Variants in LARS1 observed in about 807,000 individuals in gnomAD.
The protein encoded by LARS1 is leucine--tRNA ligase, cytoplasmic.
In LARS1, 100 loss-of-function variants were observed where a neutral mutation model predicts 162.8. That is an observed-to-expected ratio of 0.61 (90% CI 0.52 to 0.73). The LOEUF is 0.73. LARS1 is among the 30% of genes least tolerant of loss of function. LARS1 has a pLI of 0.00. For synonymous variants in LARS1, 457 were observed against 462.8 expected, an observed-to-expected ratio of 0.99 and a Z score of 0.16; for missense variants, 1,258 against 1,408.9, an observed-to-expected ratio of 0.89 and a Z score of 1.71.
At chr5:146,172,910 A>C in intron 2 of LARS1, 136 bp from the exon 3 acceptor site, 1 of 423,250 alleles carries the variant, frequency 2.4e-6, no homozygotes. Context: ...AAGTAAATTT[A>C]TAAATCTACA....
Position 146,153,910 on chromosome 5 carries a change from G to T in LARS1, c.1136C>A (p.Thr379Asn). ...YKVIYVLPMLTIKEDKGTGVV... is the reference protein window; with the variant it reads ...YKVIYVLPMLNIKEDKGTGVV... ...CTCTTTACCTTTATCCTCCTTAATA[G>T]TTAGCATTGGGAGAACATAGATCAC... The change falls in exon 11 of 32, where the codon ACT becomes AAT. Residue 379 changes from threonine to asparagine, a missense_variant. By Grantham distance (65) the Thr-to-Asn change is moderately conservative. Coordinates refer to ENST00000394434, the MANE Select transcript of LARS1 (RefSeq NM_020117.11). 6.2e-7 allele frequency: 1 copy of T among 1,611,406 alleles called. No homozygotes were observed. The highest frequency in any genetic ancestry group is 1.7e-5 in the Admixed American group (1 of 59,962).
intron 1 of LARS1, 177 bp downstream of exon 1, chr5:146,182,311 A>ACAT (rs1418144596): frequency 2.7e-6 from 2 of 739,762 alleles, no homozygotes; most frequent in African/African-American, 3.5e-5. Flanking sequence ...AAGTTAACAG[A>ACAT]CATCAGTTCG....
chr5:146,116,874 C>A (rs1751568897), intron 31 of LARS1, among the ~76,000 whole-genome samples: 1 of 152,202 alleles, frequency 6.6e-6, no homozygotes, highest in African/African-American at 2.4e-5. Flanking sequence ...CTGTCTATTG[C>A]AGCAAACAGA....
intron 21 of LARS1, 57 bp from the exon 22 acceptor site, chr5:146,135,721 G>A: frequency 7.9e-7 from 1 of 1,260,940 alleles, no homozygotes; most frequent in Non-Finnish European, 1.1e-6. Context: ...TAAACCAAAT[G>A]AGCCAAATAA....
chr5:146,160,330 C>T, intron 7 of LARS1, 44 bp downstream of exon 7: 1 of 1,118,866 alleles, frequency 8.9e-7, no homozygotes, highest in Non-Finnish European at 1.3e-6. Context: ...GCCTCTGTGC[C>T]CAACTGATTT....
chr5:146,149,494 C>G, intron 15 of LARS1, 128 bp downstream of exon 15: 1 of 706,868 alleles, frequency 1.4e-6, no homozygotes, highest in South Asian at 1.8e-5. Context: ...GGTCTATTTT[C>G]TGCCGCAAAA....
At chr5:146,181,239 G>A (rs896468823) in intron 1 of LARS1, 13 of 152,288 alleles carry the variant, frequency 8.5e-5, no homozygotes, top group South Asian at 2.1e-4. Flanking sequence ...TGTAGTCCCA[G>A]CTACTCGGGA....
chr5:146,126,333 G>T, intron 28 of LARS1, 102 bp downstream of exon 28: 1 of 642,350 alleles, frequency 1.6e-6, no homozygotes, highest in Non-Finnish European at 2.7e-6. Flanking sequence ...TATTTTAGCA[G>T]ATTTCTGGCA....
intron 19 of LARS1, 151 bp from the exon 20 acceptor site, chr5:146,143,235 A>T (rs1389470103): frequency 2.3e-6 from 2 of 861,520 alleles, no homozygotes; most frequent in African/African-American, 3.4e-5. Flanking sequence ...AAGAATGAAG[A>T]ATAGATGATG....
intron 2 of LARS1, among the ~76,000 whole-genome samples, chr5:146,176,122 A>G (rs1282341719): frequency 6.6e-6 from 1 of 152,192 alleles, no homozygotes. Flanking sequence ...ACTGCACTCC[A>G]GCTTGAATGA....
chr5:146,171,357 C>CAA (rs143170490), intron 4 of LARS1, among the ~76,000 whole-genome samples: 6 of 143,082 alleles, frequency 4.2e-5, no homozygotes, highest in Admixed American at 1.4e-4. Flanking sequence ...AACTCCGTCT[C>CAA]AAAAAAAAAA....
chr5:146,127,379 A>G (rs1357533989), intron 27 of LARS1, among the ~76,000 whole-genome samples: 2 of 152,120 alleles, frequency 1.3e-5, no homozygotes, highest in Non-Finnish European at 2.9e-5. Flanking sequence ...CACATTCAAC[A>G]TAAGAACACT....
chr5:146,148,642 G>A (rs1265826988), intron 15 of LARS1, among the ~76,000 whole-genome samples: 3 of 152,056 alleles, frequency 2.0e-5, no homozygotes, highest in African/African-American at 4.8e-5. Flanking sequence ...AATGTGGGAC[G>A]TTAGAGAAAA....
At chr5:146,151,069 A>G (rs923666672) in intron 14 of LARS1, among the ~76,000 whole-genome samples, 1 of 152,148 alleles carries the variant, frequency 6.6e-6, no homozygotes, top group Non-Finnish European at 1.5e-5. Context: ...AAATCAGTTA[A>G]TAATCTCTTT....
chr5:146,115,045 G>GGGA (rs1561791984), intron 31 of LARS1, among the ~76,000 whole-genome samples: 1 of 91,058 alleles, frequency 1.1e-5, no homozygotes. Context: ...TCTGTCGGGG[G>GGGA]GAAAAAAAAA....
rs963992574 is a variant in LARS1, at chr5:146,143,050, C to T, written c.1912G>A (p.Val638Ile). ...GGAAATGGAGCCTCCTTGAAGAAAA[C>T]ATAATCCCAAACTTCCTTGGTCATC... ...QQMTKEVWDY[V>I]FFKEAPFPKT... The change falls in exon 20 of 32, where the codon GTT (valine) becomes ATT (isoleucine). Residue 638 changes from valine (V) to isoleucine (I), a missense_variant. Coordinates refer to ENST00000394434, the MANE Select transcript of LARS1 (RefSeq NM_020117.11). 1.2e-6 allele frequency: 2 copies of T among 1,613,594 alleles called. No individual in the cohort carries two copies. Among genetic ancestry groups the T allele is most frequent in the African/African-American group, 2.7e-5 (2 of 74,888 alleles).
rs1412001202 is a variant in LARS1, at chr5:146,113,547, T to TA, written c.*558dup. On this transcript the variant is annotated 3_prime_UTR_variant, in exon 32 of 32. Coordinates refer to ENST00000394434, the MANE Select transcript of LARS1 (RefSeq NM_020117.11). ...GTTCTTAGTTGAATAATTAAAGCTT[T>TA]AAAAAGTCTTATAAAATGCAGGACC... 6.6e-6 allele frequency: 1 copy of TA among 152,466 alleles called. No homozygotes were observed. The highest frequency in any genetic ancestry group is 1.5e-5 in the Non-Finnish European group (1 of 68,254). The allele number at this position is 152,466 out of a possible 1,614,324, so 9.4% of individuals were successfully genotyped here. A position where few individuals can be genotyped will look rare whatever the true frequency, so the allele number is the denominator to read the frequency against.
chr5:146,136,008 G>A (rs151250147), intron 21 of LARS1, among the ~76,000 whole-genome samples: 5 of 152,238 alleles, frequency 3.3e-5, no homozygotes, highest in East Asian at 1.9e-4. Context: ...AGAGCTTTAC[G>A]GCAATTAGAA....
At chr5:146,128,895 T>C (rs1752156186) in intron 26 of LARS1, 83 bp downstream of exon 26, 2 of 1,443,876 alleles carry the variant, frequency 1.4e-6, no homozygotes, top group Non-Finnish European at 1.9e-6. Context: ...GAAAATCTTT[T>C]TAACTTTCAT....
Sources: gnomAD v4.1 joint callset for allele counts (sites outside exome capture counted in the v4.1 genomes callset) on GRCh38, gnomAD v4.1.1 for gene constraint, MANE v1.5 for transcripts, NCBI Gene and HGNC (gene_info 2026-07-23, HGNC 2026-07-21) for gene names.